Variants in LHFPL6 observed in about 807,000 individuals in gnomAD.
LHFPL6 encodes LHFPL tetraspan subfamily member 6, also known as LHFPL tetraspan subfamily member 6 protein.
In LHFPL6, 9 loss-of-function variants were observed where a neutral mutation model predicts 20.6. The observed-to-expected ratio is 0.44, with a 90% CI of 0.26 to 0.76. LHFPL6 has a LOEUF of 0.76. Among genes scored for constraint, LHFPL6 ranks in the 30% least tolerant of loss-of-function variants. The pLI, the probability that LHFPL6 is intolerant of heterozygous loss-of-function variation, is 0.20. For missense variants in LHFPL6, 218 were observed against 253.5 expected (o/e 0.86, Z 0.95); for synonymous variants, 105 against 98.7 (o/e 1.06, Z -0.38).
chr13:39,585,149 C>T (rs1237453097), intron 2 of LHFPL6, among the ~76,000 whole-genome samples: 1 of 152,186 alleles, frequency 6.6e-6, no homozygotes, highest in East Asian at 1.9e-4. Flanking sequence ...CATAAGATGG[C>T]ATTAGAGGCA....
chr13:39,602,623 A>G (rs1872994723), intron 1 of LHFPL6, among the ~76,000 whole-genome samples: 1 of 151,540 alleles, frequency 6.6e-6, no homozygotes, highest in Non-Finnish European at 1.5e-5. Flanking sequence ...GAGACACACA[A>G]TGATCCCTCC....
intron 3 of LHFPL6, among the ~76,000 whole-genome samples, chr13:39,361,916 G>A (rs1869882001): frequency 6.6e-6 from 1 of 152,162 alleles, no homozygotes; most frequent in Non-Finnish European, 1.5e-5. Flanking sequence ...TCAGAAGGAG[G>A]GAAAAGGGCA....
intron 2 of LHFPL6, among the ~76,000 whole-genome samples, chr13:39,543,472 C>T (rs1365761906): frequency 6.6e-6 from 1 of 152,194 alleles, no homozygotes; most frequent in Non-Finnish European, 1.5e-5. Flanking sequence ...ACCCAATTAA[C>T]AGCCGTTTAT....
chr13:39,562,475 C>T (rs200360486), intron 2 of LHFPL6, among the ~76,000 whole-genome samples: 12,759 of 80,904 alleles, frequency 0.16, 1,944 homozygotes, highest in East Asian at 0.3. Flanking sequence ...CACATATACA[C>T]ATATACATAT....
chr13:39,572,316 G>GTA (rs1871947771), intron 2 of LHFPL6, among the ~76,000 whole-genome samples: 1 of 151,804 alleles, frequency 6.6e-6, no homozygotes, highest in African/African-American at 2.4e-5. Context: ...GTGTGTGTGT[G>GTA]TGTGTGTGTG....
intron 2 of LHFPL6, among the ~76,000 whole-genome samples, chr13:39,524,779 T>C (rs1057008173): frequency 2.6e-5 from 4 of 152,170 alleles, no homozygotes; most frequent in African/African-American, 9.7e-5. Flanking sequence ...CTAGGGGAGA[T>C]GGACTTTAAC....
At chr13:39,498,370 T>A (rs376399394) in intron 2 of LHFPL6, among the ~76,000 whole-genome samples, 31 of 152,232 alleles carry the variant, frequency 2.0e-4, no homozygotes, top group African/African-American at 7.2e-4. Context: ...TAAACCTGGC[T>A]GACACAAGCT....
intron 2 of LHFPL6, among the ~76,000 whole-genome samples, chr13:39,481,181 T>C (rs914092898): frequency 6.6e-6 from 1 of 152,304 alleles, no homozygotes; most frequent in Non-Finnish European, 1.5e-5. Context: ...AATTTTATGA[T>C]GGTAATTGAA....
At chr13:39,472,995 A>G (rs151137364) in intron 2 of LHFPL6, among the ~76,000 whole-genome samples, 17 of 152,290 alleles carry the variant, frequency 1.1e-4, no homozygotes, top group African/African-American at 3.1e-4. Flanking sequence ...GAGCCCTTCA[A>G]TAATTTTGCA....
rs544653333 is a variant in LHFPL6, at chr13:39,490,845, T to C, written c.385+109987A>G. Among the ~76,000 whole-genome samples the C allele has an allele frequency of 1.1e-4, 16 of 152,336 alleles. No individual in the cohort carries two copies. The South Asian group carries it at 2.9e-3, about 28-fold the overall frequency. ...TTAATGTCACTCTCTTCCCATTTAA[T>C]GAACCCTGATTTTCCTGGAAGTCCT... On this transcript the variant is annotated intron_variant, in intron 2 of 3. Transcript: ENST00000379589.
intron 2 of LHFPL6, among the ~76,000 whole-genome samples, chr13:39,467,023 G>A (rs993451298): frequency 6.6e-6 from 1 of 152,116 alleles, no homozygotes; most frequent in African/African-American, 2.4e-5. Flanking sequence ...GGTGTGCCAC[G>A]CGAATAGAAA....
intron 2 of LHFPL6, among the ~76,000 whole-genome samples, chr13:39,412,909 A>G (rs1198018516): frequency 1.4e-5 from 2 of 142,978 alleles, no homozygotes; most frequent in African/African-American, 2.6e-5. Flanking sequence ...TCAACAGAGC[A>G]ATACTCCCGT....
At chr13:39,430,742 A>T (rs545166281) in intron 2 of LHFPL6, among the ~76,000 whole-genome samples, 1 of 152,328 alleles carries the variant, frequency 6.6e-6, no homozygotes, top group Non-Finnish European at 1.5e-5. Context: ...TGCACCAATC[A>T]GCACTCTGTG....
intron 2 of LHFPL6, among the ~76,000 whole-genome samples, chr13:39,428,613 G>C (rs1871706495): frequency 6.6e-6 from 1 of 152,038 alleles, no homozygotes; most frequent in African/African-American, 2.4e-5. Context: ...AACCTGGATA[G>C]AGCTTTATTA....
chr13:39,412,900 C>T (rs927901026), intron 2 of LHFPL6, among the ~76,000 whole-genome samples: 1 of 140,826 alleles, frequency 7.1e-6, no homozygotes, highest in African/African-American at 2.7e-5. Context: ...CCAGCCTGGT[C>T]AACAGAGCAA....
At chr13:39,468,618 A>G (rs185862603) in intron 2 of LHFPL6, among the ~76,000 whole-genome samples, 1 of 152,214 alleles carries the variant, frequency 6.6e-6, no homozygotes. Context: ...CATGATTTGC[A>G]CTCTGAAATC....
intron 2 of LHFPL6, among the ~76,000 whole-genome samples, chr13:39,566,486 A>G (rs907973000): frequency 2.6e-5 from 4 of 152,008 alleles, no homozygotes; most frequent in Admixed American, 6.6e-5. Flanking sequence ...CTCACCTGTA[A>G]TCCTAACACT....
intron 2 of LHFPL6, among the ~76,000 whole-genome samples, chr13:39,595,862 C>T (rs769668940): frequency 4.6e-5 from 7 of 152,148 alleles, no homozygotes; most frequent in Non-Finnish European, 8.8e-5. Context: ...GGACTGGCTC[C>T]TAGTGTGCCC....
intron 3 of LHFPL6, among the ~76,000 whole-genome samples, chr13:39,375,996 C>T (rs551521828): frequency 2.6e-5 from 4 of 151,928 alleles, no homozygotes; most frequent in Non-Finnish European, 5.9e-5. Context: ...TGTATAATAA[C>T]ATTAAAAAAC....
Sources: allele counts gnomAD v4.1 joint callset (sites outside exome capture counted in the v4.1 genomes callset), GRCh38; gene constraint gnomAD v4.1.1; transcripts MANE v1.5; gene names NCBI Gene and HGNC (gene_info 2026-07-23, HGNC 2026-07-21).